The following PACRG variants were observed in gnomAD, a reference collection of about 807,000 sequenced individuals.
PACRG encodes the protein parkin coregulated gene protein.
In PACRG, 29 loss-of-function variants were observed where a neutral mutation model predicts 29.7. The observed-to-expected ratio is 0.98, with a 90% CI of 0.73 to 1.33. The LOEUF is 1.33. Ranked by LOEUF, PACRG falls within the 40% of genes most tolerant of loss-of-function variation. The probability of loss-of-function intolerance (pLI) is 0.00; values close to 1 mark genes in which losing one functional copy is unlikely to be tolerated. For synonymous variants in PACRG, 116 were observed against 118.7 expected, an observed-to-expected ratio of 0.98 and a Z score of 0.15; for missense variants, 279 against 316.2, an observed-to-expected ratio of 0.88 and a Z score of 0.89.
In PACRG at chr6:162,879,209, C is replaced by G. The variant is rs142446080; in HGVS notation, c.291+64928C>G. On this transcript the variant is annotated intron_variant, in intron 2 of 4. Transcript: ENST00000366888. ...TCCATACTTTATTGCCAATTGTGCACGAAGAGACATAGCCCACTTTAACCT... is the reference window on the plus strand; with the variant it reads ...TCCATACTTTATTGCCAATTGTGCAGGAAGAGACATAGCCCACTTTAACCT... Among the ~76,000 whole-genome samples, 565 of 152,180 alleles carry G rather than the reference C, an allele frequency of 3.7e-3. 3 individuals are homozygous for G. The highest frequency in any genetic ancestry group is 0.01 in the South Asian group (50 of 4,826).
chr6:163,177,710 A>ATTT lies in PACRG; in HGVS notation c.613+88327_613+88329dup, dbSNP rs398003265. On this transcript the variant is annotated intron_variant, in intron 4 of 4. Transcript: ENST00000366888. Reference sequence around the variant, plus strand: ...TGTTAGCTAAGAAATTAGAAAAGGGATTTTTTTTTTTTTTTTTTTTTTTTT... The same window carrying ATTT: ...TGTTAGCTAAGAAATTAGAAAAGGGATTTTTTTTTTTTTTTTTTTTTTTTTTTT... Among the ~76,000 whole-genome samples the ATTT allele has an allele frequency of 4.4e-3, 235 of 53,738 alleles. 28 individuals carry two copies. The highest frequency in any genetic ancestry group is 0.011 in the African/African-American group (156 of 13,708). The allele number at this position is 53,738 out of a possible 152,430, so 35.3% of individuals were successfully genotyped here.
At chr6:163,027,579 C>T (rs1224804303) in intron 2 of PACRG, among the ~76,000 whole-genome samples, 2 of 152,122 alleles carry the variant, frequency 1.3e-5, no homozygotes, top group African/African-American at 4.8e-5. Flanking sequence ...TGTTTTAGAA[C>T]ACCAGCCCCT....
At chr6:163,205,733 C>T (rs561238679) in intron 4 of PACRG, among the ~76,000 whole-genome samples, 6 of 152,244 alleles carry the variant, frequency 3.9e-5, no homozygotes, top group African/African-American at 1.2e-4. Context: ...AACTAAAGAG[C>T]TTCTGCACAG....
chr6:163,143,776 C>T (rs747063918), intron 4 of PACRG, among the ~76,000 whole-genome samples: 1 of 148,234 alleles, frequency 6.7e-6, no homozygotes, highest in Non-Finnish European at 1.5e-5. Context: ...AATCCACGTC[C>T]AATGCCAGGG....
chr6:163,124,738 T>C (rs1816445436), intron 4 of PACRG, among the ~76,000 whole-genome samples: 2 of 152,172 alleles, frequency 1.3e-5, no homozygotes, highest in South Asian at 2.1e-4. Context: ...CAAGGGCATC[T>C]TGCATGCTGG....
At chr6:162,727,445 G>A (rs1260579519), upstream of PACRG, among the ~76,000 whole-genome samples, 2 of 152,106 alleles carry the variant, frequency 1.3e-5, no homozygotes, top group Non-Finnish European at 2.9e-5. Flanking sequence ...CTCAGAGCAG[G>A]GGCGGGCAGG....
intron 4 of PACRG, among the ~76,000 whole-genome samples, chr6:163,118,234 A>T (rs1366353965): frequency 6.6e-6 from 1 of 152,210 alleles, no homozygotes; most frequent in Non-Finnish European, 1.5e-5. Context: ...GGAGAGAGGC[A>T]TTCAATTTTC....
upstream of PACRG, among the ~76,000 whole-genome samples, chr6:162,727,507 G>T (rs1779326776): frequency 6.6e-6 from 1 of 152,140 alleles, no homozygotes; most frequent in African/African-American, 2.4e-5. Flanking sequence ...CGCTGAGCTG[G>T]GGAGCCCGGC....
intron 2 of PACRG, among the ~76,000 whole-genome samples, chr6:163,020,877 C>A (rs1225455346): frequency 6.6e-6 from 1 of 152,174 alleles, no homozygotes; most frequent in African/African-American, 2.4e-5. Flanking sequence ...CATCAATCAG[C>A]AAAATGTCTA....
intron 2 of PACRG, among the ~76,000 whole-genome samples, chr6:162,850,172 T>A (rs1562661782): frequency 6.6e-6 from 1 of 152,216 alleles, no homozygotes; most frequent in Non-Finnish European, 1.5e-5. Context: ...CTCATGTGTG[T>A]AAGTAAAATC....
intron 2 of PACRG, among the ~76,000 whole-genome samples, chr6:162,922,097 T>G (rs993426856): frequency 6.6e-6 from 1 of 151,890 alleles, no homozygotes; most frequent in Non-Finnish European, 1.5e-5. Context: ...TACTATGAGT[T>G]GGTGCACATG....
chr6:163,017,422 A>G (rs2128217675), intron 2 of PACRG, among the ~76,000 whole-genome samples: 1 of 152,214 alleles, frequency 6.6e-6, no homozygotes, highest in Middle Eastern at 3.4e-3. Context: ...GTACCCTTTT[A>G]CAAAGTCACA....
Position 163,089,273 on chromosome 6 carries a change from C to A in PACRG, c.478C>A (p.Arg160=), listed in dbSNP as rs749211635. 26 of 1,613,632 alleles carry A rather than the reference C, an allele frequency of 1.6e-5. No homozygotes were observed. The highest frequency in any genetic ancestry group is 2.1e-5 in the Non-Finnish European group (25 of 1,179,866). ...IIPIKNALNL[R]NRQVICVTLK... is the part of the protein sequence containing the mutation. ...TTACCATATAGATGCCTTGAACCTC[C>A]GAAACCGACAGGTCATCTGTGTCAC... Residue 160 remains arginine, a synonymous_variant, in exon 4 of 5, where the codon CGA becomes AGA. Transcript: ENST00000366888.
intron 1 of PACRG, among the ~76,000 whole-genome samples, chr6:162,729,711 A>AT (rs148527949): frequency 1.8e-4 from 27 of 149,394 alleles, no homozygotes; most frequent in Middle Eastern, 3.4e-3. Context: ...TTATACTTTA[A>AT]TTTTTTTTTT....
intron 4 of PACRG, among the ~76,000 whole-genome samples, chr6:163,184,044 G>C (rs1389799216): frequency 6.6e-6 from 1 of 152,212 alleles, no homozygotes; most frequent in East Asian, 1.9e-4. Flanking sequence ...AACTTCCACT[G>C]TGAAAGAGTT....
intron 1 of PACRG, among the ~76,000 whole-genome samples, chr6:162,759,481 A>T (rs767442740): frequency 3.9e-5 from 6 of 152,232 alleles, no homozygotes; most frequent in Non-Finnish European, 7.3e-5. Context: ...TCACATCCAC[A>T]TCTCACAATG....
Position 162,854,268 on chromosome 6 carries a change from A to G in PACRG, c.291+39987A>G, listed in dbSNP as rs565689124. On this transcript the variant is annotated intron_variant, in intron 2 of 4. Transcript: ENST00000366888. ...GTAAGCATTCAGTAATGTTTGTGGA[A>G]TTAAATTTTGTCAAAGCACACATTT... 5.9e-5 allele frequency among the ~76,000 whole-genome samples: 9 copies of G among 151,950 alleles called. No individual in the cohort carries two copies. The South Asian group carries it at 1.7e-3, about 28-fold the overall frequency.
At chr6:163,135,166 A>G (rs6922725) in intron 4 of PACRG, among the ~76,000 whole-genome samples, 26,008 of 151,450 alleles carry the variant, frequency 0.17, 3,029 homozygotes, top group African/African-American at 0.33. Context: ...GTATTTCTAC[A>G]TGTGATTCTA....
chr6:162,819,522 T>C (rs951980068), intron 2 of PACRG, among the ~76,000 whole-genome samples: 2 of 152,086 alleles, frequency 1.3e-5, no homozygotes, highest in Non-Finnish European at 2.9e-5. Context: ...ATGAAAACCA[T>C]AGGGACCCAA....
Sources: allele counts gnomAD v4.1 joint callset (sites outside exome capture counted in the v4.1 genomes callset), GRCh38; gene constraint gnomAD v4.1.1; transcripts MANE v1.5; gene names NCBI Gene and HGNC (gene_info 2026-07-23, HGNC 2026-07-21).